Variants in PRRC2A observed in about 807,000 individuals in gnomAD.
PRRC2A encodes proline rich coiled-coil 2A.
A neutral mutation model predicts 224.6 loss-of-function variants in PRRC2A; 59 were observed. The ratio of observed to expected loss-of-function variants is 0.26; its 90% CI spans 0.21 to 0.33. PRRC2A has a LOEUF of 0.33. Among genes scored for constraint, PRRC2A ranks in the 10% least tolerant of loss-of-function variants. The pLI is 1.00. For synonymous variants in PRRC2A, 1,194 were observed against 1,109.5 expected (o/e 1.08, Z -1.51); for missense variants, 3,095 against 2,880.7 (o/e 1.07, Z -1.70).
chr6:31,631,888 G>C lies in PRRC2A; in HGVS notation c.3215G>C (p.Gly1072Ala). 1 of 1,611,286 alleles carries C rather than the reference G, an allele frequency of 6.2e-7. No homozygotes were observed. The highest frequency in any genetic ancestry group is 8.5e-7 in the Non-Finnish European group (1 of 1,179,372). Reference protein sequence around the residue: ...GDDGRGGGTGGPNHPPAPRGR... With the variant: ...GDDGRGGGTGAPNHPPAPRGR... ...GATGGGCGTGGAGGTGGGACAGGGG[G>C]ACCAAACCACCCTCCTGCTCCCCGA... Residue 1072 changes from glycine to alanine, a missense_variant, in exon 16 of 31, where the codon GGA becomes GCA. Physicochemically the swap from Gly to Ala is moderately conservative, Grantham distance 60. Transcript: ENST00000376033. The surrounding 1 kb of genome is among the most constrained non-coding windows in gnomAD (Gnocchi z 4.5).
chr6:31,633,641 A>C lies in PRRC2A; in HGVS notation c.4582A>C (p.Ser1528Arg). Residue 1528 changes from serine (S) to arginine (R), a missense_variant, in exon 17 of 31, where the codon AGT becomes CGT. Around this residue, in one of 8 missense-constraint regions of PRRC2A, gnomAD observed 2,001 missense variants for 1,764.9 expected, o/e 1.13. Transcript: ENST00000376033. ...YEPQRVNSGL[S>R]SDPHFEEPGP... is the part of the protein sequence containing the mutation. ...GCCCCAGAGGGTCAACAGCGGCCTCAGTTCTGGTAAGCTGGAGGGGTTATG... is the reference window on the plus strand; with the variant it reads ...GCCCCAGAGGGTCAACAGCGGCCTCCGTTCTGGTAAGCTGGAGGGGTTATG... 6.2e-7 allele frequency: 1 copy of C among 1,609,108 alleles called. No homozygotes were observed. Among genetic ancestry groups the C allele is most frequent in the Non-Finnish European group, 8.5e-7 (1 of 1,177,566 alleles).
chr6:31,626,730 G>A, intron 9 of PRRC2A, 42 bp from the exon 10 acceptor site: 2 of 1,522,386 alleles, frequency 1.3e-6, no homozygotes, highest in South Asian at 1.2e-5. Flanking sequence ...CAAGATTGGA[G>A]GGCAGAATGC....
At position 31,631,716 on chromosome 6, in the gene PRRC2A, T is replaced by C. The variant is rs761464888; in HGVS notation, c.3043T>C (p.Tyr1015His). 4 of 1,518,788 alleles carry C rather than the reference T, an allele frequency of 2.6e-6. No homozygotes were observed. Among genetic ancestry groups the C allele is most frequent in the Non-Finnish European group, 3.5e-6 (4 of 1,134,356 alleles). The allele number at this position is 1,518,788 out of a possible 1,614,324, so 94.1% of individuals were successfully genotyped here. A position where few individuals can be genotyped will look rare whatever the true frequency, so the allele number is the denominator to read the frequency against. ...CCCAAGGCTTCGGAGGGACTATTCG[T>C]ATGAAAGAGTGGGTCCTACCTCTTG... ...PAPRLRRDYS[Y>H]ERVGPTSCRG... Residue 1015 changes from tyrosine to histidine, a missense_variant, in exon 16 of 31, where the codon TAT (tyrosine) becomes CAT (histidine). Transcript: ENST00000376033. This position sits in a 1 kb window ranked among gnomAD's most constrained non-coding sequence, Gnocchi z 4.5.
Position 31,624,495 on chromosome 6 carries a change from A to T in PRRC2A, c.436A>T (p.Ser146Cys). ...CGGGGTAAAGTCCTGGGCACAAGCCAGCGTCACCCATGGAGCACATGGAGA... is the reference window on the plus strand; with the variant it reads ...CGGGGTAAAGTCCTGGGCACAAGCCTGCGTCACCCATGGAGCACATGGAGA... Reference protein sequence around the residue: ...PSGVKSWAQASVTHGAHGDGG... With the variant: ...PSGVKSWAQACVTHGAHGDGG... The change falls in exon 5 of 31, where the codon AGC (serine) becomes TGC (cysteine). Residue 146 changes from serine to cysteine, a missense_variant. Physicochemically the swap from Ser to Cys is moderately radical, Grantham distance 112. Around this residue, in one of 8 missense-constraint regions of PRRC2A, gnomAD observed 287 missense variants for 275.3 expected, o/e 1.04. Transcript: ENST00000376033. The T allele has an allele frequency of 6.2e-7, 1 of 1,613,808 alleles. No individual in the cohort carries two copies. The highest frequency in any genetic ancestry group is 8.5e-7 in the Non-Finnish European group (1 of 1,179,660).
chr6:31,633,613 C>T lies in PRRC2A; in HGVS notation c.4554C>T (p.Tyr1518=), dbSNP rs756934534. 4.3e-6 allele frequency: 7 copies of T among 1,612,632 alleles called. No individual in the cohort carries two copies. The highest frequency in any genetic ancestry group is 2.2e-5 in the South Asian group (2 of 91,056). The part of the protein sequence containing the change: ...QGPSPRPPTR[Y]EPQRVNSGLS... ...CCTCTCCTAGGCCCCCAACCCGATACGAGCCCCAGAGGGTCAACAGCGGCC... is the reference window on the plus strand; with the variant it reads ...CCTCTCCTAGGCCCCCAACCCGATATGAGCCCCAGAGGGTCAACAGCGGCC... The change falls in exon 17 of 31, where the codon TAC becomes TAT. Residue 1518 remains tyrosine (Y), a synonymous_variant. Transcript: ENST00000376033.
intron 1 of PRRC2A, 60 bp downstream of exon 1, chr6:31,620,918 TGGCGGTGGC>T: frequency 6.4e-6 from 1 of 155,688 alleles, no homozygotes; most frequent in Non-Finnish European, 1.4e-5. Flanking sequence ...GTGGTGGCGG[TGGCGGTGGC>T]GGCGGCGGCG....
Position 31,631,670 on chromosome 6 carries a change from C to T in PRRC2A, c.2997C>T (p.Pro999=). The part of the protein sequence containing the change: ...GKLGGPKETP[P]NGNLSPAPRL... Reference sequence around the variant, plus strand: ...TAGGGGGCCCCAAGGAGACCCCACCCAATGGAAATCTTTCCCCTGCCCCAA... The same window carrying T: ...TAGGGGGCCCCAAGGAGACCCCACCTAATGGAAATCTTTCCCCTGCCCCAA... The change falls in exon 16 of 31, where the codon CCC becomes CCT. Residue 999 remains proline, a synonymous_variant. Transcript: ENST00000376033. The surrounding 1 kb of genome is among the most constrained non-coding windows in gnomAD (Gnocchi z 4.5). The T allele has an allele frequency of 6.6e-7, 1 of 1,514,302 alleles. No individual in the cohort carries two copies. 93.8% of individuals were successfully genotyped at this position (1,514,302 alleles called of 1,614,324 possible).
chr6:31,621,231 G>T (rs1775246024), intron 1 of PRRC2A, among the ~76,000 whole-genome samples: 1 of 151,206 alleles, frequency 6.6e-6, no homozygotes, highest in African/African-American at 2.4e-5. Flanking sequence ...GCGCCCGACG[G>T]TTCTCTCGGA....
At position 31,634,835 on chromosome 6, in the gene PRRC2A, A is replaced by C; in HGVS notation, c.5018A>C (p.Asp1673Ala). 6.2e-7 allele frequency: 1 copy of C among 1,612,976 alleles called. No homozygotes were observed. The highest frequency in any genetic ancestry group is 8.5e-7 in the Non-Finnish European group (1 of 1,180,000). ...SGPCSQRSSP[D>A]GGLKGAAEGP... ...CCCTGCAGCCAGCGAAGTTCCCCTG[A>C]TGGAGGACTCAAGGGGGCAGCAGAG... The change falls in exon 21 of 31, where the codon GAT becomes GCT. Residue 1673 changes from aspartate (D) to alanine (A), a missense_variant. By Grantham distance (126) the Asp-to-Ala change is moderately radical. Around this residue, in one of 8 missense-constraint regions of PRRC2A, gnomAD observed 15 missense variants for 35.3 expected, o/e 0.42. Coordinates refer to ENST00000376033, the MANE Select transcript of PRRC2A (RefSeq NM_004638.4).
chr6:31,624,444 C>A lies in PRRC2A; in HGVS notation c.391-6C>A, dbSNP rs375620542. On this transcript the variant is annotated splice_polypyrimidine_tract_variant and splice_region_variant and intron_variant, in intron 4 of 30. Transcript: ENST00000376033. ...TCATTTATCATCTTTCTGAACACTT[C>A]CCCAGAACACTCCTTTGGTTCCAAG... 8.7e-6 allele frequency: 14 copies of A among 1,612,988 alleles called. No individual in the cohort carries two copies. Among genetic ancestry groups the A allele is most frequent in the East Asian group, 6.7e-5 (3 of 44,878 alleles).
rs1777333575 is a variant in PRRC2A at position 31,636,280 on chromosome 6, G to A, written c.5696G>A (p.Gly1899Asp). ...SALLSGLALK[G>D]QFLDFSTMQA... ...CTGCTCTCTGGGTTAGCTCTCAAGG[G>A]CCAGTTTCTGGATTTCTCCACAATG... The change falls in exon 26 of 31, where the codon GGC (glycine) becomes GAC (aspartate). Residue 1899 changes from glycine to aspartate, a missense_variant. Coordinates refer to ENST00000376033, the MANE Select transcript of PRRC2A (RefSeq NM_004638.4). This position sits in a 1 kb window ranked among gnomAD's most constrained non-coding sequence, Gnocchi z 4.3. 6.2e-7 allele frequency: 1 copy of A among 1,612,866 alleles called. No homozygotes were observed. The highest frequency in any genetic ancestry group is 8.5e-7 in the Non-Finnish European group (1 of 1,180,004).
At chr6:31,622,309 T>C (rs983904589) in intron 1 of PRRC2A, among the ~76,000 whole-genome samples, 2 of 152,218 alleles carry the variant, frequency 1.3e-5, no homozygotes. Context: ...AAGTGTTGTT[T>C]CTTCTTCTCT....
chr6:31,627,294 C>G lies in PRRC2A; in HGVS notation c.1290+96C>G. On this transcript the variant is annotated intron_variant, in intron 11 of 30. Coordinates refer to ENST00000376033, the MANE Select transcript of PRRC2A (RefSeq NM_004638.4). This position sits in a 1 kb window ranked among gnomAD's most constrained non-coding sequence, Gnocchi z 5.6. ...GTTGTGATATAGAGGAAGGGGGGTG[C>G]TAAAAATGGGCTGTGTGAAGTGCCA... The G allele has an allele frequency of 1.1e-6, 1 of 905,646 alleles. No individual in the cohort carries two copies. The allele number at this position is 905,646 out of a possible 1,614,324, so 56.1% of individuals were successfully genotyped here.
chr6:31,623,105 TC>T, intron 2 of PRRC2A: 1 of 762,424 alleles, frequency 1.3e-6, no homozygotes, highest in South Asian at 1.4e-5. Flanking sequence ...TGTCTGTGGT[TC>T]CCTGTCTTTG....
In PRRC2A at chr6:31,637,581, C is replaced by T. The variant is rs781602439; in HGVS notation, c.6469C>T (p.Arg2157Cys). The T allele has an allele frequency of 1.6e-5, 24 of 1,516,914 alleles. No homozygotes were observed. The highest frequency in any genetic ancestry group is 2.0e-5 in the Non-Finnish European group (22 of 1,127,044). The allele number at this position is 1,516,914 out of a possible 1,614,324, so 94.0% of individuals were successfully genotyped here. ...CAAGGAGCCTGGGTTGCCCCCACCC[C>T]GCTGAGGGAGTTCCTCTTGCCCCCT... is the stretch of plus-strand genomic sequence containing the variant. ...GDKEPGLPPP[R>C] The change falls in exon 31 of 31, where the codon CGC becomes TGC. Residue 2157 changes from arginine (R) to cysteine (C), a missense_variant. By Grantham distance (180) the Arg-to-Cys change is radical. This residue lies in a region of PRRC2A where 662 missense variants were observed against 609.5 expected (regional missense o/e 1.09). Transcript: ENST00000376033.
intron 12 of PRRC2A, 33 bp from the exon 13 acceptor site, chr6:31,629,111 C>G: frequency 6.2e-7 from 1 of 1,607,834 alleles, no homozygotes; most frequent in Non-Finnish European, 8.5e-7. Flanking sequence ...TATTGTTGGA[C>G]TAGATCACTC....
chr6:31,625,105 T>C lies in PRRC2A; in HGVS notation c.464-66T>C. 1 of 1,555,062 alleles carries C rather than the reference T, an allele frequency of 6.4e-7. No individual in the cohort carries two copies. Among genetic ancestry groups the C allele is most frequent in the Non-Finnish European group, 8.8e-7 (1 of 1,142,184 alleles). On this transcript the variant is annotated intron_variant, in intron 5 of 30. Transcript: ENST00000376033. This position sits in a 1 kb window ranked among gnomAD's most constrained non-coding sequence, Gnocchi z 4.1. ...GAGCCACCGCGCCCAGCCAGAGTCTTCCACTTTTATAGCATGTCCTCAGGA... is the reference window on the plus strand; with the variant it reads ...GAGCCACCGCGCCCAGCCAGAGTCTCCCACTTTTATAGCATGTCCTCAGGA...
chr6:31,629,655 G>A lies in PRRC2A; in HGVS notation c.2064G>A (p.Gly688=). 6.2e-7 allele frequency: 1 copy of A among 1,611,290 alleles called. No individual in the cohort carries two copies. Among genetic ancestry groups the A allele is most frequent in the African/African-American group, 1.3e-5 (1 of 74,946 alleles). ...CACCACCACAGCCTGTGACCCTGGG[G>A]GCTGTGCCAGCTCCACAGGCTCCAC... is the stretch of plus-strand genomic sequence containing the variant. ...PPSPPQPVTL[G]AVPAPQAPPP... is the part of the protein sequence containing the mutation. Residue 688 remains glycine, a synonymous_variant, in exon 14 of 31, where the codon GGG becomes GGA. Transcript: ENST00000376033.
rs1776032908 is a variant in PRRC2A, at chr6:31,627,373, G to A, written c.1290+175G>A. ...AATATCTTTGGTAATAGGGGAGTCTGGGTAAGAAGTGAGAAACTGGGATGC... is the reference window on the plus strand; with the variant it reads ...AATATCTTTGGTAATAGGGGAGTCTAGGTAAGAAGTGAGAAACTGGGATGC... On this transcript the variant is annotated intron_variant, in intron 11 of 30. Transcript: ENST00000376033. This position sits in a 1 kb window ranked among gnomAD's most constrained non-coding sequence, Gnocchi z 5.6. 6.6e-6 allele frequency among the ~76,000 whole-genome samples: 1 copy of A among 152,204 alleles called. No homozygotes were observed. Among genetic ancestry groups the A allele is most frequent in the African/African-American group, 2.4e-5 (1 of 41,436 alleles).
Sources: allele counts gnomAD v4.1 joint callset (sites outside exome capture counted in the v4.1 genomes callset), GRCh38; gene constraint gnomAD v4.1.1; regional missense constraint gnomAD v4.1.1; non-coding constraint Gnocchi (gnomAD v3.1); transcripts MANE v1.5; gene names NCBI Gene and HGNC (gene_info 2026-07-23, HGNC 2026-07-21).